SRFBP1: variants seen among roughly 807,000 people sequenced by gnomAD.
SRFBP1 encodes the protein serum response factor binding protein 1.
A neutral mutation model predicts 45.5 loss-of-function variants in SRFBP1; 47 were observed. That is an observed-to-expected ratio of 1.03 (90% confidence interval 0.82 to 1.32). The LOEUF is 1.32. Ranked by LOEUF, SRFBP1 falls within the 40% of genes most tolerant of loss-of-function variation. The probability of loss-of-function intolerance (pLI) is 0.00; values close to 1 mark genes in which losing one functional copy is unlikely to be tolerated. For missense variants in SRFBP1, 621 were observed against 484.6 expected (o/e 1.28, Z -2.64); for synonymous variants, 203 against 166.3 (o/e 1.22, Z -1.70).
At chr5:122,055,728 T>C (rs1014709981) in intron 2 of SRFBP1, among the ~76,000 whole-genome samples, 3 of 152,130 alleles carry the variant, frequency 2.0e-5, no homozygotes, top group African/African-American at 7.2e-5. Flanking sequence ...CTTAGACAAA[T>C]AGACAAATAG....
chr5:122,078,261 G>A (rs1754700622), downstream of SRFBP1: 2 of 379,922 alleles, frequency 5.3e-6, no homozygotes, highest in South Asian at 2.2e-4. Context: ...GCAGTGTCTG[G>A]AGTGAAGGAA....
At chr5:122,075,642 T>A, downstream of SRFBP1, 1 of 731,020 alleles carries the variant, frequency 1.4e-6, no homozygotes, top group South Asian at 2.8e-5. Context: ...CAATCCTCCT[T>A]TCCCAACTAG....
At chr5:122,055,585 C>T (rs111446854) in intron 2 of SRFBP1, among the ~76,000 whole-genome samples, 1 of 151,938 alleles carries the variant, frequency 6.6e-6, no homozygotes, top group Non-Finnish European at 1.5e-5. Flanking sequence ...TATATCATTC[C>T]AGTAAAACCA....
chr5:122,051,307 TTTG>T (rs1301271828), intron 2 of SRFBP1, among the ~76,000 whole-genome samples: 2 of 152,102 alleles, frequency 1.3e-5, no homozygotes, highest in Non-Finnish European at 1.5e-5. Flanking sequence ...CCTGAATATC[TTTG>T]TTATTTTTCT....
intron 3 of SRFBP1, among the ~76,000 whole-genome samples, chr5:121,978,711 C>T (rs1329454131): frequency 9.2e-5 from 14 of 152,104 alleles, no homozygotes; most frequent in African/African-American, 3.4e-4. Context: ...AGGCTGGTCT[C>T]GAACGCCTGA....
chr5:122,076,416 G>A (rs1386886592), downstream of SRFBP1, among the ~76,000 whole-genome samples: 1 of 152,168 alleles, frequency 6.6e-6, no homozygotes, highest in Non-Finnish European at 1.5e-5. Flanking sequence ...TCTGGCTGAA[G>A]TAATACCAAA....
At chr5:122,077,457 A>G (rs1754670774), downstream of SRFBP1, 1 of 1,613,908 alleles carries the variant, frequency 6.2e-7, no homozygotes, top group Non-Finnish European at 8.5e-7. The surrounding 1 kb of genome is among the most constrained non-coding windows in gnomAD (Gnocchi z 4.9). Context: ...TCGTCAGAGT[A>G]CTTGTAGGGG....
At chr5:122,008,153 A>G (rs1039938633) in intron 4 of SRFBP1, among the ~76,000 whole-genome samples, 1 of 151,802 alleles carries the variant, frequency 6.6e-6, no homozygotes, top group African/African-American at 2.4e-5. Flanking sequence ...CTGACCTGAT[A>G]CTGGGCTGCC....
At chr5:122,078,127 A>G (rs1754697414), downstream of SRFBP1, 12 of 719,372 alleles carry the variant, frequency 1.7e-5, no homozygotes, top group South Asian at 3.8e-4. Context: ...CCACCAAGCA[A>G]TGCCAAGGGT....
At chr5:122,075,576 A>T, downstream of SRFBP1, 2 of 1,416,760 alleles carry the variant, frequency 1.4e-6, no homozygotes, top group Non-Finnish European at 1.9e-6. Context: ...TATTATATTC[A>T]TGGAATATTA....
chr5:122,060,639 T>C (rs1754154936), intron 2 of SRFBP1, among the ~76,000 whole-genome samples: 2 of 152,104 alleles, frequency 1.3e-5, no homozygotes, highest in Non-Finnish European at 2.9e-5. Context: ...TTAATGCCGC[T>C]TTTTTCTGGT....
chr5:122,018,795 A>G (rs969855303), intron 4 of SRFBP1, among the ~76,000 whole-genome samples: 6 of 152,226 alleles, frequency 3.9e-5, no homozygotes, highest in African/African-American at 1.2e-4. Flanking sequence ...CATTTAAAAT[A>G]GAAATATAGA....
chr5:121,969,283 G>A (rs1342644488), intron 1 of SRFBP1, among the ~76,000 whole-genome samples: 5 of 152,088 alleles, frequency 3.3e-5, no homozygotes, highest in Non-Finnish European at 7.4e-5. Flanking sequence ...ACCATCAGCT[G>A]CTTGGTATGT....
Position 122,027,328 on chromosome 5 carries a change from T to C in SRFBP1, c.*202T>C. 1 of 381,150 alleles carries C rather than the reference T, an allele frequency of 2.6e-6. No individual in the cohort carries two copies. The highest frequency in any genetic ancestry group is 4.7e-6 in the Non-Finnish European group (1 of 212,264). 23.6% of individuals were successfully genotyped at this position (381,150 alleles called of 1,614,324 possible). A position where few individuals can be genotyped will look rare whatever the true frequency, so the allele number is the denominator to read the frequency against. On this transcript the variant is annotated 3_prime_UTR_variant, in exon 8 of 8. Coordinates refer to ENST00000339397, the MANE Select transcript of SRFBP1 (RefSeq NM_152546.3). ...GGTGCATGCACTACCATGCCCAGCTTTCTCACCCCAGGCTCTGCAGCTATT... is the reference window on the plus strand; with the variant it reads ...GGTGCATGCACTACCATGCCCAGCTCTCTCACCCCAGGCTCTGCAGCTATT...
intron 4 of SRFBP1, among the ~76,000 whole-genome samples, chr5:122,016,669 G>C (rs1028852188): frequency 7.2e-5 from 11 of 152,078 alleles, no homozygotes; most frequent in African/African-American, 2.7e-4. Flanking sequence ...GCCTTCAGCA[G>C]CTCAGCTTGT....
chr5:121,962,806 G>C (rs1270595931), intron 1 of SRFBP1, among the ~76,000 whole-genome samples: 2 of 152,144 alleles, frequency 1.3e-5, no homozygotes, highest in African/African-American at 4.8e-5. Context: ...GAAACATAAG[G>C]ATCGAGTAAG....
chr5:122,070,442 G>A (rs1159961614), intron 2 of SRFBP1: 1 of 941,130 alleles, frequency 1.1e-6, no homozygotes, highest in Non-Finnish European at 1.7e-6. Context: ...CCAGAGAAGA[G>A]GGCCTATTGA....
intron 1 of SRFBP1, 38 bp downstream of exon 1, chr5:121,962,106 T>C: frequency 6.2e-7 from 1 of 1,612,786 alleles, no homozygotes; most frequent in African/African-American, 1.3e-5. Context: ...ACTTTAAGGG[T>C]CCTCAAAACC....
At chr5:121,976,825 A>C (rs1320671732) in intron 3 of SRFBP1, among the ~76,000 whole-genome samples, 2 of 150,630 alleles carry the variant, frequency 1.3e-5, no homozygotes, top group Non-Finnish European at 3.0e-5. Flanking sequence ...CTTTTGTAAT[A>C]CTGTTTAAAA....
Sources: allele counts gnomAD v4.1 joint callset (sites outside exome capture counted in the v4.1 genomes callset), GRCh38; gene constraint gnomAD v4.1.1; non-coding constraint Gnocchi (gnomAD v3.1); transcripts MANE v1.5; gene names NCBI Gene and HGNC (gene_info 2026-07-23, HGNC 2026-07-21).